Variants in BCAS3 observed in about 807,000 individuals in gnomAD.
The protein encoded by BCAS3 is BCAS3 microtubule associated cell migration factor, also known as BCAS4/BCAS3 fusion.
In BCAS3, 53 loss-of-function variants were observed where a neutral mutation model predicts 116.1. That is an observed-to-expected ratio of 0.46 (90% CI 0.37 to 0.57). The LOEUF (loss-of-function observed/expected upper bound fraction) is 0.57. Ranked by LOEUF, BCAS3 falls within the 20% of genes least tolerant of loss-of-function variation. BCAS3 has a pLI of 0.00. For missense variants in BCAS3, 917 were observed against 1,165.4 expected (o/e 0.79, Z 3.10); for synonymous variants, 391 against 408.2 (o/e 0.96, Z 0.51).
chr17:61,046,660 T>C (rs959367310), intron 19 of BCAS3, among the ~76,000 whole-genome samples: 2 of 151,962 alleles, frequency 1.3e-5, no homozygotes, highest in African/African-American at 4.8e-5. Flanking sequence ...TCCTTTTTTT[T>C]TTCACAGAAT....
intron 22 of BCAS3, among the ~76,000 whole-genome samples, chr17:61,165,068 G>A (rs548715444): frequency 6.6e-6 from 1 of 152,358 alleles, no homozygotes; most frequent in Admixed American, 6.5e-5. Context: ...TGACAGGCCT[G>A]CCTGGGAGAA....
intron 19 of BCAS3, among the ~76,000 whole-genome samples, chr17:61,052,863 G>A (rs1229482008): frequency 4.6e-5 from 7 of 151,672 alleles, no homozygotes; most frequent in African/African-American, 1.5e-4. Context: ...GACTCCAGGT[G>A]TGTGCCACCA....
At chr17:60,982,812 C>T (rs2062893840) in intron 14 of BCAS3, among the ~76,000 whole-genome samples, 1 of 152,108 alleles carries the variant, frequency 6.6e-6, no homozygotes, top group Non-Finnish European at 1.5e-5. Context: ...GCTTTCTTGT[C>T]TTCAAGGCCT....
At chr17:60,699,047 G>T (rs937721077) in intron 4 of BCAS3, among the ~76,000 whole-genome samples, 3 of 152,084 alleles carry the variant, frequency 2.0e-5, no homozygotes, top group Admixed American at 6.6e-5. Context: ...GACAGAGCGA[G>T]ACTCCGTCTC....
chr17:60,926,645 T>C (rs2059379244), intron 13 of BCAS3, among the ~76,000 whole-genome samples: 1 of 152,200 alleles, frequency 6.6e-6, no homozygotes, highest in African/African-American at 2.4e-5. Context: ...AGCACTCCAC[T>C]TGGAATGACC....
chr17:60,840,965 T>C (rs2051844723), intron 7 of BCAS3, among the ~76,000 whole-genome samples: 1 of 152,188 alleles, frequency 6.6e-6, no homozygotes, highest in African/African-American at 2.4e-5. Flanking sequence ...ATTCCAGAAA[T>C]GTTAGTGTGT....
chr17:60,834,721 T>C (rs1431493917), intron 7 of BCAS3, among the ~76,000 whole-genome samples: 1 of 151,982 alleles, frequency 6.6e-6, no homozygotes, highest in Non-Finnish European at 1.5e-5. Context: ...CCCCATGTTT[T>C]TTTGTTAGCT....
chr17:60,980,213 G>A lies in BCAS3; in HGVS notation c.1222-9758G>A, dbSNP rs566066743. Among the ~76,000 whole-genome samples, 5 of 152,142 alleles carry A rather than the reference G, an allele frequency of 3.3e-5. No individual in the cohort carries two copies. The South Asian group carries it at 1.0e-3, about 31-fold the overall frequency. ...TATTCAGAGATTAAACTTCTGGGCG[G>A]AAGCACTTTCTAAGTGGCTACACCA... On this transcript the variant is annotated intron_variant, in intron 14 of 23. Transcript: ENST00000407086.
intron 5 of BCAS3, among the ~76,000 whole-genome samples, chr17:60,735,208 GT>G (rs1266634240): frequency 6.6e-6 from 1 of 152,058 alleles, no homozygotes; most frequent in South Asian, 2.1e-4. Context: ...ATCAATTCCA[GT>G]TTTTTGTTGA....
intron 9 of BCAS3, among the ~76,000 whole-genome samples, chr17:60,884,664 A>C (rs2056475674): frequency 3.7e-5 from 5 of 135,794 alleles, no homozygotes; most frequent in East Asian, 2.3e-4. Context: ...CGTTGGTTTC[A>C]AAGAACATCT....
chr17:61,283,862 C>G (rs1271862916), intron 22 of BCAS3, among the ~76,000 whole-genome samples: 1 of 152,180 alleles, frequency 6.6e-6, no homozygotes, highest in Non-Finnish European at 1.5e-5. Flanking sequence ...CTCCTGGGCT[C>G]AAACAGTCCT....
chr17:61,362,556 A>G lies in BCAS3; in HGVS notation c.2426-5771A>G, dbSNP rs2058506875. 6.6e-6 allele frequency among the ~76,000 whole-genome samples: 1 copy of G among 152,158 alleles called. No individual in the cohort carries two copies. Among genetic ancestry groups the G allele is most frequent in the Admixed American group, 6.6e-5 (1 of 15,266 alleles). On this transcript the variant is annotated intron_variant, in intron 22 of 23. Coordinates refer to ENST00000407086, the MANE Select transcript of BCAS3 (RefSeq NM_017679.5). This position sits in a 1 kb window ranked among gnomAD's most constrained non-coding sequence, Gnocchi z 4.4. ...ACTAGGCTTCCTTGCCTCTTTAACAATGGTGTACAAAGGCAAAGCACGTGT... is the reference window on the plus strand; with the variant it reads ...ACTAGGCTTCCTTGCCTCTTTAACAGTGGTGTACAAAGGCAAAGCACGTGT...
intron 3 of BCAS3, among the ~76,000 whole-genome samples, chr17:60,686,797 A>T (rs1281241352): frequency 6.6e-6 from 1 of 152,188 alleles, no homozygotes; most frequent in African/African-American, 2.4e-5. Context: ...AAGTTCTGGG[A>T]TTACAGGCGT....
rs764596136 is a variant in BCAS3, at chr17:61,249,812, T to C, written c.2426-118515T>C. On this transcript the variant is annotated intron_variant, in intron 22 of 23. Coordinates refer to ENST00000407086, the MANE Select transcript of BCAS3 (RefSeq NM_017679.5). The surrounding 1 kb of genome is among the most constrained non-coding windows in gnomAD (Gnocchi z 6.2). ...TGTTATCTGTCAAAAGGGAAAAAAC[T>C]TTCTGTTATCTACCTGATAGACCCA... Among the ~76,000 whole-genome samples, 21 of 152,066 alleles carry C rather than the reference T, an allele frequency of 1.4e-4. No homozygotes were observed. Among genetic ancestry groups the C allele is most frequent in the Non-Finnish European group, 2.5e-4 (17 of 67,974 alleles).
At chr17:61,293,241 A>G (rs1014106992) in intron 22 of BCAS3, among the ~76,000 whole-genome samples, 1 of 152,154 alleles carries the variant, frequency 6.6e-6, no homozygotes, top group Non-Finnish European at 1.5e-5. Flanking sequence ...TAAAGGGTAG[A>G]TGTGGAAATA....
chr17:60,893,031 T>C (rs915297950), intron 10 of BCAS3, among the ~76,000 whole-genome samples: 10 of 152,200 alleles, frequency 6.6e-5, no homozygotes, highest in African/African-American at 2.4e-4. Flanking sequence ...CATTTTTTTT[T>C]CATTTGTTTG....
In BCAS3 at chr17:61,121,753, C is replaced by T. The variant is rs191340987; in HGVS notation, c.2425+37189C>T. Among the ~76,000 whole-genome samples, 234 of 152,244 alleles carry T rather than the reference C, an allele frequency of 1.5e-3. 1 individual carries two copies. The highest frequency in any genetic ancestry group is 5.3e-3 in the African/African-American group (220 of 41,538). On this transcript the variant is annotated intron_variant, in intron 22 of 23. Transcript: ENST00000407086. Reference sequence around the variant, plus strand: ...ATTTTATATGTGTGTGTGTGTGAGACGGAGTCTTGCCGTGTCACCCAGGCT... The same window carrying T: ...ATTTTATATGTGTGTGTGTGTGAGATGGAGTCTTGCCGTGTCACCCAGGCT...
chr17:61,121,273 A>G (rs954361606), intron 22 of BCAS3, among the ~76,000 whole-genome samples: 4 of 152,180 alleles, frequency 2.6e-5, no homozygotes, highest in African/African-American at 9.6e-5. Flanking sequence ...AAAATCATGA[A>G]GTTAAAATCT....
chr17:61,298,604 T>A (rs2053149029), intron 22 of BCAS3, among the ~76,000 whole-genome samples: 1 of 151,976 alleles, frequency 6.6e-6, no homozygotes, highest in Non-Finnish European at 1.5e-5. Context: ...ATGAGAGAGA[T>A]CCTCGGGAAG....
Sources: allele counts gnomAD v4.1 joint callset (sites outside exome capture counted in the v4.1 genomes callset), GRCh38; gene constraint gnomAD v4.1.1; non-coding constraint Gnocchi (gnomAD v3.1); transcripts MANE v1.5; gene names NCBI Gene and HGNC (gene_info 2026-07-23, HGNC 2026-07-21).